NEK10: variants seen among roughly 807,000 people sequenced by gnomAD.
The protein encoded by NEK10 is serine/threonine-protein kinase Nek10.
In NEK10, 122 loss-of-function variants were observed where a neutral mutation model predicts 159.8. The ratio of observed to expected loss-of-function variants is 0.76; its 90% CI spans 0.66 to 0.89. The LOEUF (loss-of-function observed/expected upper bound fraction) is 0.89. Ranked by LOEUF, NEK10 falls within the 40% of genes least tolerant of loss-of-function variation. The pLI is 0.00. For missense variants in NEK10, 1,342 were observed against 1,323.1 expected (o/e 1.01, Z -0.22); for synonymous variants, 466 against 457.1 (o/e 1.02, Z -0.25).
intron 32 of NEK10, among the ~76,000 whole-genome samples, chr3:27,130,928 C>T (rs1357273005): frequency 6.6e-6 from 1 of 152,108 alleles, no homozygotes; most frequent in East Asian, 1.9e-4. Flanking sequence ...GTTTTGTTTA[C>T]CTGCAGCTGT....
chr3:27,180,698 A>G (rs1367785109), intron 26 of NEK10, among the ~76,000 whole-genome samples: 1 of 152,208 alleles, frequency 6.6e-6, no homozygotes, highest in Non-Finnish European at 1.5e-5. Flanking sequence ...CACATTTTGC[A>G]CATGTTGTCA....
At chr3:27,167,168 A>G (rs1559542279) in intron 29 of NEK10, among the ~76,000 whole-genome samples, 1 of 142,420 alleles carries the variant, frequency 7.0e-6, no homozygotes, top group Non-Finnish European at 1.5e-5. Flanking sequence ...GGATCCTTTA[A>G]AAAAAAAAAA....
At chr3:27,293,758 G>A in intron 15 of NEK10, 106 bp from the exon 16 acceptor site, 1 of 607,168 alleles carries the variant, frequency 1.6e-6, no homozygotes, top group South Asian at 2.4e-5. Flanking sequence ...TTTATTGTAA[G>A]TGGCTGGTCC....
chr3:27,210,070 T>G (rs1446214192), intron 23 of NEK10, among the ~76,000 whole-genome samples: 2 of 152,134 alleles, frequency 1.3e-5, no homozygotes, highest in African/African-American at 4.8e-5. Flanking sequence ...CATCTATTTT[T>G]TCTGAGAACT....
intron 5 of NEK10, among the ~76,000 whole-genome samples, chr3:27,340,984 A>T (rs142066208): frequency 6.6e-5 from 10 of 152,350 alleles, no homozygotes; most frequent in African/African-American, 2.4e-4. Context: ...TTTAAAATGT[A>T]GTATATATAT....
intron 22 of NEK10, among the ~76,000 whole-genome samples, chr3:27,259,505 G>T (rs1194662061): frequency 6.6e-6 from 1 of 152,110 alleles, no homozygotes; most frequent in Non-Finnish European, 1.5e-5. Flanking sequence ...TTTTTGTCAG[G>T]TTTGTCAAAC....
intron 25 of NEK10, 39 bp from the exon 26 acceptor site, chr3:27,192,281 GT>G (rs1345647638): frequency 6.7e-7 from 1 of 1,490,088 alleles, no homozygotes; most frequent in African/African-American, 1.4e-5. Context: ...TCTGGTCAAT[GT>G]TGGGAGCAGG....
intron 6 of NEK10, among the ~76,000 whole-genome samples, chr3:27,319,939 G>A (rs1007943970): frequency 6.6e-6 from 1 of 152,168 alleles, no homozygotes; most frequent in Non-Finnish European, 1.5e-5. Context: ...CTGAACAAGA[G>A]AGGAAAGGAA....
chr3:27,165,029 C>T (rs1401421279), intron 29 of NEK10, among the ~76,000 whole-genome samples: 23 of 152,196 alleles, frequency 1.5e-4, no homozygotes, highest in Admixed American at 1.5e-3. Context: ...TTAAATTCCT[C>T]TTTAATAAAC....
Position 27,307,917 on chromosome 3 carries a change from G to T in NEK10, c.745C>A (p.Leu249Ile). The change falls in exon 11 of 36, where the codon CTC (leucine) becomes ATC (isoleucine). Residue 249 changes from leucine to isoleucine, a missense_variant. Leu to Ile is a conservative substitution (Grantham distance 5). Transcript: ENST00000691995. The part of the protein sequence containing the change: ...SQECREKISE[L>I]NIVENLLMIL... ...ATCAACAGATTTTCTACAATGTTGA[G>T]TTCACTTATCTTCTCCCTACATTCT... 1 of 1,547,300 alleles carries T rather than the reference G, an allele frequency of 6.5e-7. No homozygotes were observed. Among genetic ancestry groups the T allele is most frequent in the Non-Finnish European group, 8.9e-7 (1 of 1,120,404 alleles).
intron 22 of NEK10, among the ~76,000 whole-genome samples, chr3:27,273,585 AAGCAT>A (rs1375025623): frequency 6.6e-6 from 1 of 152,188 alleles, no homozygotes; most frequent in African/African-American, 2.4e-5. Flanking sequence ...CTTTTCTTCA[AAGCAT>A]AGCTAAAAAT....
At chr3:27,215,726 G>C in intron 23 of NEK10, 1 of 701,970 alleles carries the variant, frequency 1.4e-6, no homozygotes, top group Non-Finnish European at 2.6e-6. Context: ...GGTTTAATTG[G>C]CTCACGGTTC....
At chr3:27,114,987 A>G (rs1940180034) in intron 35 of NEK10, among the ~76,000 whole-genome samples, 1 of 152,196 alleles carries the variant, frequency 6.6e-6, no homozygotes, top group Non-Finnish European at 1.5e-5. Flanking sequence ...CTAATATATA[A>G]AGAAATTCAA....
intron 28 of NEK10, 122 bp downstream of exon 28, chr3:27,174,317 C>T: frequency 6.7e-7 from 1 of 1,499,526 alleles, no homozygotes. Flanking sequence ...CTAATTAGCA[C>T]TGCACCTGAA....
intron 1 of NEK10, among the ~76,000 whole-genome samples, chr3:27,361,131 T>A (rs989455077): frequency 6.6e-6 from 1 of 152,232 alleles, no homozygotes; most frequent in African/African-American, 2.4e-5. Context: ...TGACAACAGA[T>A]ACCACTATAA....
intron 6 of NEK10, among the ~76,000 whole-genome samples, chr3:27,320,104 G>T (rs890922708): frequency 6.6e-6 from 1 of 152,318 alleles, no homozygotes; most frequent in Non-Finnish European, 1.5e-5. Flanking sequence ...TGGAAAGAGT[G>T]CCAGGGAGGA....
chr3:27,171,908 T>A, intron 28 of NEK10, 35 bp from the exon 29 acceptor site: 1 of 1,589,986 alleles, frequency 6.3e-7, no homozygotes, highest in Non-Finnish European at 8.6e-7. Context: ...TTTACATTAT[T>A]TCCTCTGCAA....
intron 35 of NEK10, among the ~76,000 whole-genome samples, chr3:27,115,038 A>C (rs927894051): frequency 3.3e-5 from 5 of 152,136 alleles, no homozygotes; most frequent in African/African-American, 4.8e-5. Context: ...GATTTCTCTG[A>C]CCCCTGGAGT....
At chr3:27,282,096 T>C (rs553556450) in intron 22 of NEK10, among the ~76,000 whole-genome samples, 8 of 152,180 alleles carry the variant, frequency 5.3e-5, no homozygotes, top group African/African-American at 1.7e-4. Context: ...TAACATAAAA[T>C]TCTGCTGTAA....
Sources: allele counts gnomAD v4.1 joint callset (sites outside exome capture counted in the v4.1 genomes callset), GRCh38; gene constraint gnomAD v4.1.1; transcripts MANE v1.5; gene names NCBI Gene and HGNC (gene_info 2026-07-23, HGNC 2026-07-21).